ANKS1B: variants seen among roughly 807,000 people sequenced by gnomAD.
ANKS1B encodes ankyrin repeat and sterile alpha motif domain-containing protein 1B.
Under a neutral mutation model 148.3 loss-of-function variants are expected in ANKS1B, and 36 were observed. The ratio of observed to expected loss-of-function variants is 0.24; its 90% confidence interval spans 0.19 to 0.32. The LOEUF is 0.32. Among genes scored for constraint, ANKS1B ranks in the 10% least tolerant of loss-of-function variants. The pLI, the probability that ANKS1B is intolerant of heterozygous loss-of-function variation, is 1.00. For missense variants in ANKS1B, 1,157 were observed against 1,542.6 expected (o/e 0.75, Z 4.19); for synonymous variants, 542 against 560.8 (o/e 0.97, Z 0.47).
At chr12:99,906,904 G>T (rs2093803537) in intron 1 of ANKS1B, among the ~76,000 whole-genome samples, 1 of 152,132 alleles carries the variant, frequency 6.6e-6, no homozygotes, top group South Asian at 2.1e-4. Flanking sequence ...AAAAAAAGAT[G>T]TGTAAACAAA....
At chr12:99,881,195 A>C (rs1160956745) in intron 1 of ANKS1B, among the ~76,000 whole-genome samples, 1 of 152,230 alleles carries the variant, frequency 6.6e-6, no homozygotes, top group Non-Finnish European at 1.5e-5. Flanking sequence ...GCTCTGGCTC[A>C]ACAGGTAGGA....
At chr12:99,722,977 C>A (rs1196201509) in intron 8 of ANKS1B, among the ~76,000 whole-genome samples, 1 of 152,178 alleles carries the variant, frequency 6.6e-6, no homozygotes, top group African/African-American at 2.4e-5. Flanking sequence ...GTGTGCCATC[C>A]AGCCTGGGAA....
At chr12:99,356,503 G>C (rs1038521182) in intron 12 of ANKS1B, among the ~76,000 whole-genome samples, 4 of 152,110 alleles carry the variant, frequency 2.6e-5, no homozygotes, top group Non-Finnish European at 5.9e-5. Context: ...CCTTCCTCCT[G>C]TGCTTCAATT....
At chr12:99,007,693 GA>G (rs1299729243) in intron 17 of ANKS1B, among the ~76,000 whole-genome samples, 1 of 152,248 alleles carries the variant, frequency 6.6e-6, no homozygotes, top group East Asian at 1.9e-4. Context: ...TTTCACCTTG[GA>G]GAGTGGTGTG....
chr12:99,673,662 T>C (rs1307370628), intron 8 of ANKS1B, among the ~76,000 whole-genome samples: 25 of 151,922 alleles, frequency 1.6e-4, no homozygotes, highest in Admixed American at 1.6e-3. Flanking sequence ...ATTCTTGAGA[T>C]AATACATTTA....
chr12:99,462,142 C>T (rs2095987627), intron 10 of ANKS1B, among the ~76,000 whole-genome samples: 1 of 152,186 alleles, frequency 6.6e-6, no homozygotes, highest in Admixed American at 6.5e-5. Flanking sequence ...TAATGTACCA[C>T]CCAGATTCAA....
Position 99,533,188 on chromosome 12 carries a change from C to T in ANKS1B, c.1273-28547G>A, listed in dbSNP as rs117354353. 4.5e-3 allele frequency among the ~76,000 whole-genome samples: 686 copies of T among 152,272 alleles called. 28 individuals carry two copies. In the South Asian group the frequency reaches 0.065, roughly 14 times the overall value. Reference sequence around the variant, plus strand: ...AGGATGTTTTTCCATTTGTTTGTGTCATCTATGACTTCTTTCATTGGTGTT... The same window carrying T: ...AGGATGTTTTTCCATTTGTTTGTGTTATCTATGACTTCTTTCATTGGTGTT... On this transcript the variant is annotated intron_variant, in intron 9 of 26. Transcript: ENST00000683438.
intron 7 of ANKS1B, among the ~76,000 whole-genome samples, chr12:99,774,954 C>A (rs976499582): frequency 6.6e-6 from 1 of 151,898 alleles, no homozygotes; most frequent in African/African-American, 2.4e-5. Flanking sequence ...AAGTCAAAGT[C>A]ATAAAACAGA....
intron 4 of ANKS1B, among the ~76,000 whole-genome samples, chr12:99,784,497 T>C (rs964703799): frequency 6.6e-6 from 1 of 152,002 alleles, no homozygotes. Flanking sequence ...AATCATTTCA[T>C]ATTGCTTTCT....
chr12:99,044,812 A>C (rs1269284443), intron 17 of ANKS1B, among the ~76,000 whole-genome samples: 2 of 152,176 alleles, frequency 1.3e-5, no homozygotes, highest in East Asian at 3.9e-4. Flanking sequence ...TCTCACAGGA[A>C]ACCCATGAAG....
chr12:98,936,811 G>A (rs2099819198), intron 17 of ANKS1B, among the ~76,000 whole-genome samples: 1 of 151,912 alleles, frequency 6.6e-6, no homozygotes, highest in Non-Finnish European at 1.5e-5. Context: ...GTTCAGGTAA[G>A]GATTACATAA....
intron 12 of ANKS1B, among the ~76,000 whole-genome samples, chr12:99,373,568 A>T (rs1007443351): frequency 6.6e-6 from 1 of 151,948 alleles, no homozygotes; most frequent in Non-Finnish European, 1.5e-5. Context: ...AAAGGCTGAA[A>T]TTTTTTCCAG....
chr12:98,818,143 C>T (rs1175601255), intron 19 of ANKS1B, among the ~76,000 whole-genome samples: 3 of 105,570 alleles, frequency 2.8e-5, no homozygotes, highest in African/African-American at 1.0e-4. Context: ...CCAGTTCCCT[C>T]CCTCCCTCCC....
intron 4 of ANKS1B, among the ~76,000 whole-genome samples, chr12:99,789,799 G>A (rs2065426486): frequency 6.6e-6 from 1 of 152,008 alleles, no homozygotes; most frequent in South Asian, 2.1e-4. Flanking sequence ...AATCTCATCT[G>A]AAAACACACT....
intron 10 of ANKS1B, among the ~76,000 whole-genome samples, chr12:99,474,004 T>C (rs1474264289): frequency 6.6e-6 from 1 of 152,072 alleles, no homozygotes; most frequent in Admixed American, 6.6e-5. Flanking sequence ...ATTTGTTAAA[T>C]TGAGGAATTA....
chr12:98,767,812 C>T (rs2098505151), intron 25 of ANKS1B, among the ~76,000 whole-genome samples: 1 of 152,184 alleles, frequency 6.6e-6, no homozygotes, highest in Non-Finnish European at 1.5e-5. Context: ...CAGAAGACAA[C>T]AGTTTTGAAA....
At chr12:99,715,156 A>G (rs750435463) in intron 8 of ANKS1B, among the ~76,000 whole-genome samples, 4 of 151,962 alleles carry the variant, frequency 2.6e-5, no homozygotes, top group Admixed American at 6.6e-5. Context: ...ATAAATAAAT[A>G]AAAAGCTACA....
intron 14 of ANKS1B, among the ~76,000 whole-genome samples, chr12:99,176,091 C>T (rs1322927161): frequency 3.9e-5 from 6 of 152,162 alleles, no homozygotes; most frequent in South Asian, 2.1e-4. Context: ...TCAGGTGATC[C>T]GCCTGCCTCA....
At chr12:99,925,898 C>A (rs141697172) in intron 1 of ANKS1B, among the ~76,000 whole-genome samples, 1 of 152,182 alleles carries the variant, frequency 6.6e-6, no homozygotes, top group African/African-American at 2.4e-5. Flanking sequence ...AACATTTGAA[C>A]AGATTTTTTA....
Sources: allele counts gnomAD v4.1 joint callset (sites outside exome capture counted in the v4.1 genomes callset), GRCh38; gene constraint gnomAD v4.1.1; transcripts MANE v1.5; gene names NCBI Gene and HGNC (gene_info 2026-07-23, HGNC 2026-07-21).